PPTC7: variants seen among roughly 807,000 people sequenced by gnomAD.
PPTC7 encodes protein phosphatase targeting COQ7.
PPTC7 carries 6 observed loss-of-function variants against 30.8 expected under a neutral mutation model. The observed-to-expected ratio is 0.19, with a 90% CI of 0.11 to 0.38. The LOEUF is 0.38. Ranked by LOEUF, PPTC7 falls within the 10% of genes least tolerant of loss-of-function variation. PPTC7 has a pLI of 1.00. For synonymous variants in PPTC7, 163 were observed against 168.1 expected, an observed-to-expected ratio of 0.97 and a Z score of 0.23; for missense variants, 218 against 404.8, an observed-to-expected ratio of 0.54 and a Z score of 3.96.
rs200469790 is a variant in PPTC7 at position 110,551,896 on chromosome 12, C to T, written c.296G>A (p.Arg99Gln). 1 of 1,614,040 alleles carries T rather than the reference C, an allele frequency of 6.2e-7. No homozygotes were observed. Among genetic ancestry groups the T allele is most frequent in the Non-Finnish European group, 8.5e-7 (1 of 1,179,922 alleles). ...TTCTTTTACTAAACGTTCACACGTC[C>T]GCATTAAAGTCCCTGAGAATTGAGA... The part of the protein sequence containing the change: ...DPSQFSGTLM[R>Q]TCERLVKEGR... Residue 99 changes from arginine to glutamine, a missense_variant, in exon 2 of 6, where the codon CGG (arginine) becomes CAG (glutamine). Transcript: ENST00000354300.
intron 1 of PPTC7, among the ~76,000 whole-genome samples, chr12:110,553,296 C>G (rs73191843): frequency 1.3e-4 from 19 of 151,346 alleles, no homozygotes; most frequent in African/African-American, 4.1e-4. Context: ...ACTACAGGTG[C>G]GTGCCATCAC....
At chr12:110,575,768 T>C (rs2064584398) in intron 1 of PPTC7, among the ~76,000 whole-genome samples, 1 of 152,106 alleles carries the variant, frequency 6.6e-6, no homozygotes, top group Admixed American at 6.6e-5. Context: ...CAGAGACTGT[T>C]AACAAATCAA....
At position 110,566,896 on chromosome 12, in the gene PPTC7, T is replaced by C. The variant is rs527267780; in HGVS notation, c.224-14928A>G. Among the ~76,000 whole-genome samples the C allele has an allele frequency of 1.1e-4, 17 of 152,230 alleles. No homozygotes were observed. In the Middle Eastern group the frequency reaches 0.017, roughly 152 times the overall value. Reference sequence around the variant, plus strand: ...TCCAAAAATAACAAGGAAAAAAGGATTTACCTGCACTTTGAAAAGAATATT... The same window carrying C: ...TCCAAAAATAACAAGGAAAAAAGGACTTACCTGCACTTTGAAAAGAATATT... On this transcript the variant is annotated intron_variant, in intron 1 of 5. Transcript: ENST00000354300.
Position 110,535,062 on chromosome 12 carries a change from TTTC to T in PPTC7, c.*1972_*1974del, listed in dbSNP as rs1377762526. The T allele has an allele frequency of 6.6e-6, 1 of 152,640 alleles. No homozygotes were observed. Among genetic ancestry groups the T allele is most frequent in the Non-Finnish European group, 1.5e-5 (1 of 68,042 alleles). 9.5% of individuals were successfully genotyped at this position (152,640 alleles called of 1,614,324 possible). ...CTAACAAAACCCTTCTGGATGCAAC[TTTC>T]TTTACTTTTTAAATACACAGAGACT... On this transcript the variant is annotated 3_prime_UTR_variant, in exon 6 of 6. Coordinates refer to ENST00000354300, the MANE Select transcript of PPTC7 (RefSeq NM_139283.2).
At chr12:110,542,913 T>C (rs964146856) in intron 3 of PPTC7, among the ~76,000 whole-genome samples, 1 of 152,086 alleles carries the variant, frequency 6.6e-6, no homozygotes, top group African/African-American at 2.4e-5. Flanking sequence ...GATCCTATAT[T>C]CAGAGATCAT....
chr12:110,559,220 C>A (rs900792158), intron 1 of PPTC7, among the ~76,000 whole-genome samples: 6 of 151,708 alleles, frequency 4.0e-5, no homozygotes, highest in Admixed American at 2.6e-4. Flanking sequence ...TGTAGAGATG[C>A]GGTCTCATTA....
At chr12:110,570,964 C>A (rs1306349325) in intron 1 of PPTC7, among the ~76,000 whole-genome samples, 3 of 152,396 alleles carry the variant, frequency 2.0e-5, no homozygotes, top group Admixed American at 6.5e-5. Context: ...TCCCACCTTA[C>A]GAGAAACACC....
chr12:110,566,164 A>AG (rs11428546), intron 1 of PPTC7, among the ~76,000 whole-genome samples: 150,101 of 152,308 alleles, frequency 0.99, 73,977 homozygotes, highest in East Asian at 1. Flanking sequence ...GGCATTTAGG[A>AG]GTCCCTGGAA....
intron 1 of PPTC7, among the ~76,000 whole-genome samples, chr12:110,563,451 T>C (rs1193999694): frequency 1.3e-5 from 2 of 152,168 alleles, no homozygotes; most frequent in African/African-American, 2.4e-5. Context: ...ACCCCATTTC[T>C]ATTAAAAATC....
chr12:110,579,290 A>G (rs929687019), intron 1 of PPTC7, among the ~76,000 whole-genome samples: 3 of 152,196 alleles, frequency 2.0e-5, no homozygotes, highest in African/African-American at 7.2e-5. Context: ...GCCGTCCGGA[A>G]GAGCTCCTCC....
intron 1 of PPTC7, among the ~76,000 whole-genome samples, chr12:110,556,952 C>G (rs981160794): frequency 3.3e-5 from 5 of 152,132 alleles, no homozygotes; most frequent in Non-Finnish European, 5.9e-5. Flanking sequence ...TGGCAGGGGT[C>G]AGCCAGATTT....
intron 5 of PPTC7, 26 bp downstream of exon 5, chr12:110,538,118 C>CTA (rs1478640569): frequency 2.5e-6 from 4 of 1,612,066 alleles, no homozygotes; most frequent in Non-Finnish European, 3.4e-6. Flanking sequence ...CAGTCAGTCC[C>CTA]TATGACCTTC....
chr12:110,538,476 A>G (rs1371266867), intron 4 of PPTC7, among the ~76,000 whole-genome samples: 1 of 152,222 alleles, frequency 6.6e-6, no homozygotes, highest in African/African-American at 2.4e-5. Flanking sequence ...CTTAAGCCCT[A>G]AAGTTTGGAT....
intron 2 of PPTC7, among the ~76,000 whole-genome samples, chr12:110,547,390 A>AT (rs2064316157): frequency 6.6e-6 from 1 of 152,228 alleles, no homozygotes; most frequent in Non-Finnish European, 1.5e-5. Flanking sequence ...AAAAACAGGG[A>AT]TAACAGTAAG....
chr12:110,549,569 T>C (rs577653684), intron 2 of PPTC7, among the ~76,000 whole-genome samples: 4 of 152,228 alleles, frequency 2.6e-5, no homozygotes, highest in Non-Finnish European at 5.9e-5. Flanking sequence ...ATTATTTCAA[T>C]GTGCCTTTTA....
At position 110,536,176 on chromosome 12, in the gene PPTC7, G is replaced by C. The variant is rs962736229; in HGVS notation, c.*861C>G. On this transcript the variant is annotated 3_prime_UTR_variant, in exon 6 of 6. Coordinates refer to ENST00000354300, the MANE Select transcript of PPTC7 (RefSeq NM_139283.2). ...CTTGGGACCTAGAGTTCCCATTCAGGGGCATTCTATCAGACAACTAGGAGG... is the reference window on the plus strand; with the variant it reads ...CTTGGGACCTAGAGTTCCCATTCAGCGGCATTCTATCAGACAACTAGGAGG... 1 of 152,118 alleles carries C rather than the reference G, an allele frequency of 6.6e-6. No homozygotes were observed. Among genetic ancestry groups the C allele is most frequent in the Non-Finnish European group, 1.5e-5 (1 of 68,020 alleles). 9.4% of individuals were successfully genotyped at this position (152,118 alleles called of 1,614,324 possible).
chr12:110,576,964 C>T lies in PPTC7; in HGVS notation c.223+5845G>A, dbSNP rs1593168383. On this transcript the variant is annotated intron_variant, in intron 1 of 5. Coordinates refer to ENST00000354300, the MANE Select transcript of PPTC7 (RefSeq NM_139283.2). ...GGTGGATCACCTGAGGTCAGGAGTT[C>T]GAGACTAGCCTGGCCAACATGGTGA... Among the ~76,000 whole-genome samples the T allele has an allele frequency of 3.9e-5, 6 of 152,070 alleles. 1 individual carries two copies.
Position 110,583,080 on chromosome 12 carries a change from A to T in PPTC7, c.-49T>A. The T allele has an allele frequency of 7.6e-7, 1 of 1,319,862 alleles. No homozygotes were observed. The highest frequency in any genetic ancestry group is 9.6e-7 in the Non-Finnish European group (1 of 1,036,728). 81.8% of individuals were successfully genotyped at this position (1,319,862 alleles called of 1,614,324 possible). ...GGCGGGGGGCCGGGGGAGCAGGAGG[A>T]CGCGGAGGCCCGGAGCCGGCTCTCT... On this transcript the variant is annotated 5_prime_UTR_variant, in exon 1 of 6. Transcript: ENST00000354300.
In PPTC7 at chr12:110,534,105, T is replaced by C. The variant is rs1418786872; in HGVS notation, c.*2932A>G. On this transcript the variant is annotated 3_prime_UTR_variant, in exon 6 of 6. Transcript: ENST00000354300. ...AGTTTTTAGAGCCTATGGACTCTAC[T>C]GCATCTCCATTTGGTAAATTTTTTT... The C allele has an allele frequency of 1.3e-5, 2 of 151,014 alleles. No individual in the cohort carries two copies. The highest frequency in any genetic ancestry group is 2.9e-5 in the Non-Finnish European group (2 of 67,896). The allele number at this position is 151,014 out of a possible 1,614,324, so 9.4% of individuals were successfully genotyped here.
Sources: allele counts gnomAD v4.1 joint callset (sites outside exome capture counted in the v4.1 genomes callset), GRCh38; gene constraint gnomAD v4.1.1; transcripts MANE v1.5; gene names NCBI Gene and HGNC (gene_info 2026-07-23, HGNC 2026-07-21).